Variants in SLC1A4 observed in about 807,000 individuals in gnomAD.
SLC1A4 encodes neutral amino acid transporter A.
A neutral mutation model predicts 37.7 loss-of-function variants in SLC1A4; 19 were observed. That is an observed-to-expected ratio of 0.50 (90% CI 0.35 to 0.74). The LOEUF (loss-of-function observed/expected upper bound fraction) is 0.74. Among genes scored for constraint, SLC1A4 ranks in the 30% least tolerant of loss-of-function variants. The pLI is 0.01. For synonymous variants in SLC1A4, 299 were observed against 309.8 expected, an observed-to-expected ratio of 0.97 and a Z score of 0.37; for missense variants, 570 against 712.9, an observed-to-expected ratio of 0.80 and a Z score of 2.28.
At chr2:65,019,683 T>C (rs368138889) in intron 7 of SLC1A4, among the ~76,000 whole-genome samples, 10 of 152,288 alleles carry the variant, frequency 6.6e-5, no homozygotes, top group African/African-American at 2.4e-4. Context: ...AAAAGAGACC[T>C]GCATTGCGCA....
rs922884325 is a variant in SLC1A4, at chr2:65,003,967, T to C, written c.585T>C (p.Tyr195=). 1 of 1,614,002 alleles carries C rather than the reference T, an allele frequency of 6.2e-7. No homozygotes were observed. The highest frequency in any genetic ancestry group is 1.1e-5 in the South Asian group (1 of 91,078). Residue 195 remains tyrosine (Y), a synonymous_variant, in exon 3 of 8, where the codon TAT becomes TAC. Coordinates refer to ENST00000234256, the MANE Select transcript of SLC1A4 (RefSeq NM_003038.5). ...VAAFRTYATD[Y]KVVTQNSSSG... ...CTTGATCACAGTATGCAACCGATTA[T>C]AAAGTCGTGACCCAGAACAGCAGCT...
chr2:65,021,119 A>C lies in SLC1A4; in HGVS notation c.1572A>C (p.Glu524Asp). 6.2e-7 allele frequency: 1 copy of C among 1,614,018 alleles called. No individual in the cohort carries two copies. Among genetic ancestry groups the C allele is most frequent in the Non-Finnish European group, 8.5e-7 (1 of 1,179,918 alleles). Reference protein sequence around the residue: ...NPAGPVASAPELESKESVL With the variant: ...NPAGPVASAPDLESKESVL Reference sequence around the variant, plus strand: ...CTGGCCCCGTGGCCAGTGCCCCAGAACTGGAATCCAAGGAGTCGGTTCTGT... The same window carrying C: ...CTGGCCCCGTGGCCAGTGCCCCAGACCTGGAATCCAAGGAGTCGGTTCTGT... The change falls in exon 8 of 8, where the codon GAA becomes GAC. Residue 524 changes from glutamate (E) to aspartate (D), a missense_variant. Transcript: ENST00000234256.
rs151124135 is a variant in SLC1A4, at chr2:65,023,271, C to CATAT, written c.*2133_*2136dup. On this transcript the variant is annotated 3_prime_UTR_variant, in exon 8 of 8. Coordinates refer to ENST00000234256, the MANE Select transcript of SLC1A4 (RefSeq NM_003038.5). Reference sequence around the variant, plus strand: ...TTCAGTAAATCTTTTTTTCTTCCTTCATATATATATACACAACACACACAC... The same window carrying CATAT: ...TTCAGTAAATCTTTTTTTCTTCCTTCATATATATATATATACACAACACACACAC... The CATAT allele has an allele frequency of 1.8e-4, 27 of 152,036 alleles. No individual in the cohort carries two copies. The highest frequency in any genetic ancestry group is 6.3e-4 in the African/African-American group (26 of 41,398). 9.4% of individuals were successfully genotyped at this position (152,036 alleles called of 1,614,324 possible).
chr2:65,012,656 T>A (rs1473835174), intron 4 of SLC1A4, among the ~76,000 whole-genome samples: 1 of 152,232 alleles, frequency 6.6e-6, no homozygotes, highest in African/African-American at 2.4e-5. Flanking sequence ...ACTGATATTT[T>A]CAGAAAAGAA....
intron 3 of SLC1A4, among the ~76,000 whole-genome samples, chr2:65,006,820 G>T (rs1234414432): frequency 6.6e-6 from 1 of 151,988 alleles, no homozygotes; most frequent in Non-Finnish European, 1.5e-5. Context: ...TGTGCCTGTA[G>T]TACCAGCTAC....
At chr2:65,009,191 T>C (rs1255702491) in intron 3 of SLC1A4, among the ~76,000 whole-genome samples, 1 of 151,990 alleles carries the variant, frequency 6.6e-6, no homozygotes, top group Non-Finnish European at 1.5e-5. Context: ...GAAACCCACA[T>C]GGAGAAACCC....
Position 64,989,730 on chromosome 2 carries a change from G to C in SLC1A4, c.87G>C (p.Ala29=). The change falls in exon 1 of 8, where the codon GCG becomes GCC. Residue 29 remains alanine (A), a synonymous_variant. Coordinates refer to ENST00000234256, the MANE Select transcript of SLC1A4 (RefSeq NM_003038.5). ...GGCCCGGAGCTCCGGGGACCGCGGC[G>C]GGACGCGCACGGCGTTGCGCGGGCT... The part of the protein sequence containing the change: ...AAGPGAPGTA[A]GRARRCAGFL... 6.8e-7 allele frequency: 1 copy of C among 1,476,758 alleles called. No homozygotes were observed. The allele number at this position is 1,476,758 out of a possible 1,614,324, so 91.5% of individuals were successfully genotyped here.
chr2:64,997,784 A>G (rs1159387329), intron 1 of SLC1A4, among the ~76,000 whole-genome samples: 1 of 152,114 alleles, frequency 6.6e-6, no homozygotes, highest in African/African-American at 2.4e-5. Context: ...TTGCAGGCAT[A>G]TATTTTTATA....
intron 1 of SLC1A4, among the ~76,000 whole-genome samples, chr2:64,993,237 T>C (rs181349949): frequency 1.7e-4 from 26 of 152,366 alleles, no homozygotes; most frequent in African/African-American, 6.3e-4. Flanking sequence ...CTAAAGTCCA[T>C]GCCCTTTCCT....
In SLC1A4 at chr2:64,989,879, G is replaced by A. The variant is rs1672980098; in HGVS notation, c.236G>A (p.Gly79Asp). The part of the protein sequence containing the change: ...RTQVTYLAFP[G>D]EMLLRMLRMI... ...CAGGTCACCTACCTGGCCTTCCCCG[G>A]CGAGATGCTGCTCCGCATGCTGCGC... The change falls in exon 1 of 8, where the codon GGC (glycine) becomes GAC (aspartate). Residue 79 changes from glycine (G) to aspartate (D), a missense_variant. Physicochemically the swap from Gly to Asp is moderately conservative, Grantham distance 94. Transcript: ENST00000234256. 7 of 1,545,060 alleles carry A rather than the reference G, an allele frequency of 4.5e-6. No individual in the cohort carries two copies. The highest frequency in any genetic ancestry group is 6.1e-6 in the Non-Finnish European group (7 of 1,149,476).
chr2:65,012,194 A>C (rs1673949990), intron 4 of SLC1A4, among the ~76,000 whole-genome samples: 1 of 151,570 alleles, frequency 6.6e-6, no homozygotes. Context: ...GGTTCAAGCC[A>C]TTCTCCTGCC....
intron 1 of SLC1A4, chr2:65,000,407 A>G (rs1356547170): frequency 1.3e-5 from 2 of 152,248 alleles, no homozygotes; most frequent in Non-Finnish European, 2.9e-5. Flanking sequence ...GTAATATACA[A>G]AAGGAAAATA....
chr2:65,017,059 T>A (rs1674170656), intron 5 of SLC1A4, among the ~76,000 whole-genome samples: 1 of 152,224 alleles, frequency 6.6e-6, no homozygotes, highest in South Asian at 2.1e-4. Context: ...TCCCTCTTGC[T>A]CCTTAGAGGT....
Position 64,990,111 on chromosome 2 carries a change from G to A in SLC1A4, c.468G>A (p.Glu156=). The A allele has an allele frequency of 6.2e-7, 1 of 1,611,060 alleles. No individual in the cohort carries two copies. Among genetic ancestry groups the A allele is most frequent in the East Asian group, 2.2e-5 (1 of 44,792 alleles). The change falls in exon 1 of 8, where the codon GAG becomes GAA. Residue 156 remains glutamate (E), a synonymous_variant. Transcript: ENST00000234256. ...TTCAGTCCAGCGACCTGGGGCTGGA[G>A]GACTCGGGGCCTCCTCCTGTCCCCA... ...QTLQSSDLGL[E]DSGPPPVPKE...
chr2:64,998,419 C>CA lies in SLC1A4; in HGVS notation c.528-3012dup, dbSNP rs781241996. 5.8e-3 allele frequency among the ~76,000 whole-genome samples: 494 copies of CA among 85,880 alleles called. 2 individuals carry two copies. The highest frequency in any genetic ancestry group is 0.025 in the Middle Eastern group (3 of 120). The allele number at this position is 85,880 out of a possible 152,430, so 56.3% of individuals were successfully genotyped here. A position where few individuals can be genotyped will look rare whatever the true frequency, so the allele number is the denominator to read the frequency against. ...GGGCAACAAAGTGAGACTCTGTCTCCAAAAAAAAAAAAAAAAATCTAGGAA... is the reference window on the plus strand; with the variant it reads ...GGGCAACAAAGTGAGACTCTGTCTCCAAAAAAAAAAAAAAAAAATCTAGGAA... On this transcript the variant is annotated intron_variant, in intron 1 of 7. Transcript: ENST00000234256.
intron 2 of SLC1A4, among the ~76,000 whole-genome samples, 193 bp downstream of exon 2, chr2:65,001,683 GAACA>G (rs1424139403): frequency 1.3e-5 from 2 of 152,058 alleles, no homozygotes; most frequent in African/African-American, 4.8e-5. Context: ...AATAAAGACT[GAACA>G]AACAAAACTT....
chr2:65,008,890 A>C (rs764305250), intron 3 of SLC1A4, among the ~76,000 whole-genome samples: 2 of 152,242 alleles, frequency 1.3e-5, no homozygotes, highest in Admixed American at 6.5e-5. Context: ...TAAATGGGGA[A>C]CTGAGTCACA....
At chr2:65,004,243 GATTT>G (rs1176549390) in intron 3 of SLC1A4, among the ~76,000 whole-genome samples, 4 of 151,818 alleles carry the variant, frequency 2.6e-5, no homozygotes, top group Non-Finnish European at 4.4e-5. Flanking sequence ...TTTGTTTGTT[GATTT>G]ATTTGTTGTT....
chr2:64,990,402 T>A (rs769636279), intron 1 of SLC1A4, among the ~76,000 whole-genome samples: 4 of 152,214 alleles, frequency 2.6e-5, no homozygotes, highest in Non-Finnish European at 5.9e-5. Context: ...GCCGCATCTT[T>A]GAGCAAGAAC....
Sources: allele counts gnomAD v4.1 joint callset (sites outside exome capture counted in the v4.1 genomes callset), GRCh38; gene constraint gnomAD v4.1.1; transcripts MANE v1.5; gene names NCBI Gene and HGNC (gene_info 2026-07-23, HGNC 2026-07-21).